The following MICU1 variants were observed in gnomAD, a reference collection of about 807,000 sequenced individuals.
MICU1 encodes the protein calcium uptake protein 1, mitochondrial.
In MICU1, 45 loss-of-function variants were observed where a neutral mutation model predicts 56.8. That is an observed-to-expected ratio of 0.79 (90% CI 0.62 to 1.02). MICU1 has a LOEUF of 1.02. MICU1 is among the 50% of genes least tolerant of loss of function. MICU1 has a pLI of 0.00. For synonymous variants in MICU1, 186 were observed against 195.1 expected, an observed-to-expected ratio of 0.95 and a Z score of 0.39; for missense variants, 504 against 587.1, an observed-to-expected ratio of 0.86 and a Z score of 1.46.
intron 1 of MICU1, among the ~76,000 whole-genome samples, chr10:72,584,453 A>G (rs1020253682): frequency 6.6e-6 from 1 of 152,264 alleles, no homozygotes. Flanking sequence ...TGTTCAGATC[A>G]TAAATAAGGT....
chr10:72,533,298 G>A, intron 5 of MICU1: 1 of 409,016 alleles, frequency 2.4e-6, no homozygotes. Context: ...CAAACTTATA[G>A]GCAAATCTGG....
chr10:72,530,361 A>ATAT (rs1839443695), intron 5 of MICU1, among the ~76,000 whole-genome samples: 2 of 145,000 alleles, frequency 1.4e-5, no homozygotes, highest in Non-Finnish European at 3.0e-5. Flanking sequence ...AATAATAATA[A>ATAT]TAATAATAAT....
intron 4 of MICU1, among the ~76,000 whole-genome samples, chr10:72,544,418 T>G (rs1408092888): frequency 6.6e-6 from 1 of 152,124 alleles, no homozygotes; most frequent in Non-Finnish European, 1.5e-5. Flanking sequence ...AATCACAATA[T>G]GATCTGTGTT....
At chr10:72,403,485 G>C (rs1297698318) in intron 10 of MICU1, among the ~76,000 whole-genome samples, 1 of 151,672 alleles carries the variant, frequency 6.6e-6, no homozygotes, top group Admixed American at 6.6e-5. Context: ...CCAAAGTGTT[G>C]GGATTATAGG....
intron 9 of MICU1, among the ~76,000 whole-genome samples, chr10:72,410,406 C>CAAGAGTTCCAG (rs1455914840): frequency 6.6e-6 from 1 of 152,118 alleles, no homozygotes; most frequent in African/African-American, 2.4e-5. Context: ...CACCTGAGGT[C>CAAGAGTTCCAG]AAGAGTTCCA....
intron 1 of MICU1, among the ~76,000 whole-genome samples, chr10:72,587,301 T>C (rs11000361): frequency 0.56 from 85,122 of 151,116 alleles, 25,126 homozygotes; most frequent in Non-Finnish European, 0.64. Flanking sequence ...GACCCCACAT[T>C]TACAAAAAAT....
intron 5 of MICU1, among the ~76,000 whole-genome samples, chr10:72,510,933 A>C (rs1867427931): frequency 6.6e-6 from 1 of 152,210 alleles, no homozygotes; most frequent in African/African-American, 2.4e-5. Flanking sequence ...CGACCAGCCA[A>C]ATCCAGTCCA....
intron 6 of MICU1, among the ~76,000 whole-genome samples, chr10:72,502,291 A>T (rs910616498): frequency 6.6e-6 from 1 of 151,660 alleles, no homozygotes; most frequent in Non-Finnish European, 1.5e-5. Context: ...AGTAGCTGGG[A>T]CTACAGGTAT....
Position 72,547,397 on chromosome 10 carries a change from C to A in MICU1, c.493+3782G>T, listed in dbSNP as rs1052136685. 2.6e-5 allele frequency among the ~76,000 whole-genome samples: 4 copies of A among 152,022 alleles called. 1 individual carries two copies. ...GAGAAGTTTTATATACCTTTCATTT[C>A]TTTCTAATTATAAAAGATTATTTAA... On this transcript the variant is annotated intron_variant, in intron 4 of 11. Transcript: ENST00000361114.
rs141187873 is a variant in MICU1, at chr10:72,369,160, C to G, written c.1271-805G>C. Among the ~76,000 whole-genome samples the G allele has an allele frequency of 6.0e-3, 907 of 152,068 alleles. 27 individuals are homozygous for G. The highest frequency in any genetic ancestry group is 0.051 in the Admixed American group (784 of 15,252). ...GGGCATGGTGGTGGACACCTGTAGT[C>G]CCAGCTACTTGGGAGGCTAAGGCAG... is the stretch of plus-strand genomic sequence containing the variant. On this transcript the variant is annotated intron_variant, in intron 11 of 11. Coordinates refer to ENST00000361114, the MANE Select transcript of MICU1 (RefSeq NM_001195518.2).
intron 8 of MICU1, among the ~76,000 whole-genome samples, chr10:72,457,798 C>T (rs1427000899): frequency 6.6e-6 from 1 of 152,052 alleles, no homozygotes; most frequent in Non-Finnish European, 1.5e-5. Context: ...ACAGTAATTC[C>T]ACTACAGCAA....
chr10:72,559,944 C>T (rs1840251856), intron 3 of MICU1, among the ~76,000 whole-genome samples: 3 of 152,092 alleles, frequency 2.0e-5, no homozygotes, highest in East Asian at 1.9e-4. Context: ...AGGTTGTGTG[C>T]GTTATGAGAA....
intron 6 of MICU1, among the ~76,000 whole-genome samples, chr10:72,484,189 G>T (rs1866390573): frequency 6.6e-6 from 1 of 152,140 alleles, no homozygotes; most frequent in African/African-American, 2.4e-5. Context: ...TTTCCCATAT[G>T]ATGTGCAATT....
intron 10 of MICU1, among the ~76,000 whole-genome samples, chr10:72,384,736 G>A (rs1047269005): frequency 6.6e-6 from 1 of 152,090 alleles, no homozygotes; most frequent in Non-Finnish European, 1.5e-5. Context: ...ATTTATTTCA[G>A]AATTTGAGCT....
intron 10 of MICU1, among the ~76,000 whole-genome samples, chr10:72,390,945 G>T (rs974078086): frequency 6.6e-6 from 1 of 152,210 alleles, no homozygotes; most frequent in Non-Finnish European, 1.5e-5. Context: ...AAATACTTGA[G>T]CCACACTAAA....
intron 10 of MICU1, among the ~76,000 whole-genome samples, chr10:72,401,525 G>A (rs999502494): frequency 4.6e-5 from 7 of 152,074 alleles, no homozygotes; most frequent in Non-Finnish European, 8.8e-5. Context: ...GTGGTGGCAC[G>A]CACCTATAGT....
At chr10:72,420,676 G>A (rs1366772014) in intron 9 of MICU1, among the ~76,000 whole-genome samples, 1 of 150,862 alleles carries the variant, frequency 6.6e-6, no homozygotes, top group African/African-American at 2.4e-5. Flanking sequence ...TTAGAGGCCT[G>A]GATTTTTTTT....
At chr10:72,484,461 G>C (rs576658082) in intron 6 of MICU1, among the ~76,000 whole-genome samples, 2 of 151,880 alleles carry the variant, frequency 1.3e-5, no homozygotes, top group South Asian at 4.2e-4. Flanking sequence ...TAGTTATCAG[G>C]AAGAAGAAAG....
chr10:72,608,096 TCTCA>T (rs1841742045), intron 1 of MICU1, among the ~76,000 whole-genome samples: 1 of 152,124 alleles, frequency 6.6e-6, no homozygotes, highest in Non-Finnish European at 1.5e-5. Context: ...AGACAGGGTG[TCTCA>T]CTGTGTCACC....
Sources: allele counts gnomAD v4.1 joint callset (sites outside exome capture counted in the v4.1 genomes callset), GRCh38; gene constraint gnomAD v4.1.1; transcripts MANE v1.5; gene names NCBI Gene and HGNC (gene_info 2026-07-23, HGNC 2026-07-21).